The following FKBP5 variants were observed in gnomAD, a reference collection of about 807,000 sequenced individuals.
The protein encoded by FKBP5 is FKBP prolyl isomerase 5, also known as peptidyl-prolyl cis-trans isomerase FKBP5.
In FKBP5, 23 loss-of-function variants were observed where a neutral mutation model predicts 50.5. The ratio of observed to expected loss-of-function variants is 0.46; its 90% confidence interval spans 0.33 to 0.65. The LOEUF (loss-of-function observed/expected upper bound fraction) is 0.65. FKBP5 is among the 30% of genes least tolerant of loss of function. The probability of loss-of-function intolerance (pLI) is 0.02; values close to 1 mark genes in which losing one functional copy is unlikely to be tolerated. For missense variants in FKBP5, 411 were observed against 553.1 expected (o/e 0.74, Z 2.58); for synonymous variants, 176 against 190.6 (o/e 0.92, Z 0.63).
In FKBP5 at chr6:35,697,276, A is replaced by G. The variant is rs539621999; in HGVS notation, c.-20+23052T>C. Among the ~76,000 whole-genome samples, 132 of 152,326 alleles carry G rather than the reference A, an allele frequency of 8.7e-4. 1 individual carries two copies. The highest frequency in any genetic ancestry group is 2.8e-3 in the African/African-American group (115 of 41,588). On this transcript the variant is annotated intron_variant, in intron 2 of 11. Transcript: ENST00000536438. ...AAAAGAATGAAGTAAGGCCGGGAGC[A>G]GTGGCTTACGCCTGTAATCCCAGCA...
chr6:35,615,027 G>C (rs1383386946), intron 5 of FKBP5, among the ~76,000 whole-genome samples: 1 of 151,826 alleles, frequency 6.6e-6, no homozygotes, highest in Non-Finnish European at 1.5e-5. Context: ...CGGAGACTGA[G>C]ACAGGAGAAC....
chr6:35,616,713 GT>G (rs1457617483), intron 5 of FKBP5, among the ~76,000 whole-genome samples: 1 of 152,024 alleles, frequency 6.6e-6, no homozygotes, highest in Non-Finnish European at 1.5e-5. Flanking sequence ...ATTGGGAAAA[GT>G]TTTTCCTCTT....
At chr6:35,650,987 G>A (rs757970404) in intron 1 of FKBP5, among the ~76,000 whole-genome samples, 9 of 152,104 alleles carry the variant, frequency 5.9e-5, no homozygotes, top group Non-Finnish European at 1.0e-4. Flanking sequence ...AGCAGGTGAC[G>A]TCTTACCCAT....
At chr6:35,714,556 C>G (rs1251670504) in intron 2 of FKBP5, among the ~76,000 whole-genome samples, 1 of 148,084 alleles carries the variant, frequency 6.8e-6, no homozygotes, top group Non-Finnish European at 1.5e-5. Flanking sequence ...GTGGCTCACG[C>G]CTGTAATCAC....
At chr6:35,679,821 T>C (rs1194742746) in intron 1 of FKBP5, among the ~76,000 whole-genome samples, 1 of 152,178 alleles carries the variant, frequency 6.6e-6, no homozygotes, top group Admixed American at 6.5e-5. Flanking sequence ...AAATGTGTAT[T>C]ACTCAGGTAA....
intron 1 of FKBP5, among the ~76,000 whole-genome samples, chr6:35,685,640 T>C (rs1765800360): frequency 6.6e-6 from 1 of 152,148 alleles, no homozygotes; most frequent in African/African-American, 2.4e-5. Context: ...TTAATGGTCT[T>C]TAGAGGAATT....
chr6:35,639,141 C>CT (rs1764407511), intron 2 of FKBP5, among the ~76,000 whole-genome samples: 1 of 152,238 alleles, frequency 6.6e-6, no homozygotes, highest in African/African-American at 2.4e-5. Flanking sequence ...AGCACTGGTT[C>CT]TTTTTTTAAA....
intron 2 of FKBP5, among the ~76,000 whole-genome samples, chr6:35,717,517 C>T (rs112824815): frequency 6.6e-6 from 1 of 152,354 alleles, no homozygotes; most frequent in East Asian, 1.9e-4. Flanking sequence ...ACGTGCATGT[C>T]TGTGTGCACC....
At chr6:35,589,685 C>A (rs1465937478) in intron 7 of FKBP5, among the ~76,000 whole-genome samples, 1 of 152,118 alleles carries the variant, frequency 6.6e-6, no homozygotes, top group African/African-American at 2.4e-5. Context: ...GTCTAAATAA[C>A]CACATGCTAA....
chr6:35,675,937 A>AT (rs1365601107), intron 1 of FKBP5, among the ~76,000 whole-genome samples: 2 of 152,168 alleles, frequency 1.3e-5, no homozygotes, highest in African/African-American at 4.8e-5. Flanking sequence ...CAGTTGCTGT[A>AT]TAACAGAGTA....
At chr6:35,606,918 C>CG (rs1763339924) in intron 5 of FKBP5, among the ~76,000 whole-genome samples, 1 of 152,088 alleles carries the variant, frequency 6.6e-6, no homozygotes, top group Non-Finnish European at 1.5e-5. Context: ...TTTACACTGA[C>CG]ATGTTTACTG....
chr6:35,578,703 G>A (rs1017170414), intron 9 of FKBP5, among the ~76,000 whole-genome samples: 19 of 151,748 alleles, frequency 1.3e-4, no homozygotes, highest in African/African-American at 4.4e-4. Flanking sequence ...GGGAGGTGGA[G>A]GTTAGAGTGA....
At chr6:35,686,205 C>T (rs555408050) in intron 1 of FKBP5, among the ~76,000 whole-genome samples, 57 of 152,094 alleles carry the variant, frequency 3.7e-4, no homozygotes, top group Admixed American at 2.8e-3. Context: ...TCAACTTATG[C>T]TTAATTTTTG....
rs373570754 is a variant in FKBP5 at position 35,641,992 on chromosome 6, CAAAATAAAAT to C, written c.105+718_105+727del. On this transcript the variant is annotated intron_variant, in intron 2 of 10. Coordinates refer to ENST00000357266, the MANE Select transcript of FKBP5 (RefSeq NM_004117.4). ...CAGGCAACAGAGGGAGACTCTGTCT[CAAAATAAAAT>C]AAAATAAAATAAAATAAAATAAAAT... Among the ~76,000 whole-genome samples the C allele has an allele frequency of 8.2e-3, 1,153 of 140,392 alleles. 5 individuals are homozygous for C. Among genetic ancestry groups the C allele is most frequent in the African/African-American group, 0.013 (518 of 38,524 alleles). The allele number at this position is 140,392 out of a possible 152,430, so 92.1% of individuals were successfully genotyped here. A position where few individuals can be genotyped will look rare whatever the true frequency, so the allele number is the denominator to read the frequency against.
At position 35,617,413 on chromosome 6, in the gene FKBP5, C is replaced by T. The variant is rs561905823; in HGVS notation, c.508+1683G>A. On this transcript the variant is annotated intron_variant, in intron 5 of 10. Transcript: ENST00000357266. ...GTGTAACCATAGCACGCTATAGCCT[C>T]GAACTCCTGGCCTCTAGTGATCCTC... Among the ~76,000 whole-genome samples the T allele has an allele frequency of 5.2e-4, 79 of 152,074 alleles. No individual in the cohort carries two copies. In the South Asian group the frequency reaches 0.011, roughly 21 times the overall value.
chr6:35,724,059 C>T (rs1043855721), intron 1 of FKBP5, among the ~76,000 whole-genome samples: 5 of 152,212 alleles, frequency 3.3e-5, no homozygotes, highest in African/African-American at 1.2e-4. Context: ...AAGGCAGGTA[C>T]ATTAAATGTA....
At chr6:35,589,126 ATATT>A (rs1371014249) in intron 7 of FKBP5, among the ~76,000 whole-genome samples, 1 of 125,526 alleles carries the variant, frequency 8.0e-6, no homozygotes, top group Non-Finnish European at 1.6e-5. Context: ...ATATATATAT[ATATT>A]TTTTTTTTTT....
Position 35,593,454 on chromosome 6 carries a change from A to C in FKBP5, c.666-2234T>G, listed in dbSNP as rs138524999. Among the ~76,000 whole-genome samples the C allele has an allele frequency of 7.4e-3, 1,127 of 152,338 alleles. 12 individuals are homozygous for C. Among genetic ancestry groups the C allele is most frequent in the African/African-American group, 0.023 (975 of 41,586 alleles). On this transcript the variant is annotated intron_variant, in intron 6 of 10. Coordinates refer to ENST00000357266, the MANE Select transcript of FKBP5 (RefSeq NM_004117.4). ...TGAGAAGTCACACACAGGCAGTGGT[A>C]GAGCCAGGTTTAAATTCAGACCCTG...
chr6:35,599,888 G>A (rs1384181356), intron 5 of FKBP5, among the ~76,000 whole-genome samples: 1 of 152,166 alleles, frequency 6.6e-6, no homozygotes, highest in Non-Finnish European at 1.5e-5. Context: ...ATACAGTCAC[G>A]CTTCACTTAA....
Sources: gnomAD v4.1 joint callset for allele counts (sites outside exome capture counted in the v4.1 genomes callset) on GRCh38, gnomAD v4.1.1 for gene constraint, MANE v1.5 for transcripts, NCBI Gene and HGNC (gene_info 2026-07-23, HGNC 2026-07-21) for gene names.